The following ZDHHC21 variants were observed in gnomAD, a reference collection of about 807,000 sequenced individuals.
ZDHHC21 encodes the protein zDHHC palmitoyltransferase 21.
In ZDHHC21, 15 loss-of-function variants were observed where a neutral mutation model predicts 34.6. The ratio of observed to expected loss-of-function variants is 0.43; its 90% CI spans 0.29 to 0.67. ZDHHC21 has a LOEUF of 0.67. Ranked by LOEUF, ZDHHC21 falls within the 30% of genes least tolerant of loss-of-function variation. The pLI, the probability that ZDHHC21 is intolerant of heterozygous loss-of-function variation, is 0.14. For synonymous variants in ZDHHC21, 142 were observed against 101.8 expected, an observed-to-expected ratio of 1.40 and a Z score of -2.38; for missense variants, 344 against 327.7, an observed-to-expected ratio of 1.05 and a Z score of -0.38.
chr9:14,672,335 A>T (rs1381250199), intron 5 of ZDHHC21, among the ~76,000 whole-genome samples: 2 of 152,034 alleles, frequency 1.3e-5, no homozygotes, highest in Non-Finnish European at 2.9e-5. Flanking sequence ...TTTTTTACTA[A>T]ATTAAAATCA....
At chr9:14,630,079 C>G (rs1394009157) in intron 8 of ZDHHC21, among the ~76,000 whole-genome samples, 2 of 152,134 alleles carry the variant, frequency 1.3e-5, no homozygotes, top group Non-Finnish European at 2.9e-5. Context: ...CCAATAAAGT[C>G]TGCTGCATAG....
chr9:14,668,519 A>G (rs2083164761), intron 5 of ZDHHC21, among the ~76,000 whole-genome samples: 1 of 135,576 alleles, frequency 7.4e-6, no homozygotes, highest in East Asian at 2.2e-4. Context: ...TTCATATGGA[A>G]CCAAAAAAGA....
chr9:14,665,316 T>C (rs2133981873), intron 5 of ZDHHC21, among the ~76,000 whole-genome samples: 1 of 136,428 alleles, frequency 7.3e-6, no homozygotes, highest in South Asian at 2.6e-4. Context: ...TAAAAAGAAA[T>C]GAGCAAAGCC....
chr9:14,684,616 G>A (rs1187634141), intron 2 of ZDHHC21, among the ~76,000 whole-genome samples: 1 of 151,794 alleles, frequency 6.6e-6, no homozygotes, highest in Non-Finnish European at 1.5e-5. Context: ...TCATGAAAAT[G>A]GCCATACTGC....
the ZDHHC21 span, among the ~76,000 whole-genome samples, chr9:14,601,733 C>G: frequency 5.3e-5 from 8 of 152,128 alleles, no homozygotes; most frequent in Non-Finnish European, 1.2e-4. Flanking sequence ...ATAGCAAAAA[C>G]TATGAACCAA....
chr9:14,638,447 G>A (rs1487336327), intron 8 of ZDHHC21, among the ~76,000 whole-genome samples: 1 of 151,864 alleles, frequency 6.6e-6, no homozygotes, highest in African/African-American at 2.4e-5. Context: ...ACTACCAGAG[G>A]AAAACTTAGG....
At position 14,640,488 on chromosome 9, in the gene ZDHHC21, C is replaced by T. The variant is rs560440294; in HGVS notation, c.505-476G>A. On this transcript the variant is annotated intron_variant, in intron 7 of 9. Transcript: ENST00000380916. ...GACCAAGATATCTAGAAATCATTAA[C>T]GTGGACAAAATGAAGAGAAATCATA... Among the ~76,000 whole-genome samples, 7 of 152,140 alleles carry T rather than the reference C, an allele frequency of 4.6e-5. No homozygotes were observed. In the East Asian group the frequency reaches 7.7e-4, roughly 17 times the overall value.
At chr9:14,686,225 AAAAAAG>A (rs1426244054) in intron 2 of ZDHHC21, among the ~76,000 whole-genome samples, 1 of 152,110 alleles carries the variant, frequency 6.6e-6, no homozygotes, top group Admixed American at 6.6e-5. Context: ...AAAATAAATA[AAAAAAG>A]AAAGAAGAAA....
rs751279200 is a variant in ZDHHC21 at position 14,618,996 on chromosome 9, T to G, written c.768A>C (p.Arg256=). 6.2e-6 allele frequency: 10 copies of G among 1,611,270 alleles called. No homozygotes were observed. The highest frequency in any genetic ancestry group is 1.7e-5 in the Admixed American group (1 of 59,736). ...FIPFRQRQPL[R]VPYHFANHV ...CATGATTGGCAAAGTGGTAGGGAACTCGCAGTGGTTGCCTCTGCCTGAAAG... is the reference window on the plus strand; with the variant it reads ...CATGATTGGCAAAGTGGTAGGGAACGCGCAGTGGTTGCCTCTGCCTGAAAG... Residue 256 remains arginine (R), a synonymous_variant, in exon 10 of 10, where the codon CGA becomes CGC. Transcript: ENST00000380916.
chr9:14,650,463 T>G (rs1302720679), intron 7 of ZDHHC21, among the ~76,000 whole-genome samples: 1 of 151,980 alleles, frequency 6.6e-6, no homozygotes, highest in Admixed American at 6.6e-5. Flanking sequence ...TTTAGCAATT[T>G]TTTTCCATTC....
chr9:14,682,776 CAT>C (rs1350197380), intron 2 of ZDHHC21, among the ~76,000 whole-genome samples: 1 of 152,204 alleles, frequency 6.6e-6, no homozygotes, highest in Non-Finnish European at 1.5e-5. Context: ...AAACTGACCA[CAT>C]AGTTAGAAGT....
chr9:14,680,403 T>C (rs1384155350), intron 2 of ZDHHC21, among the ~76,000 whole-genome samples: 1 of 151,612 alleles, frequency 6.6e-6, no homozygotes, highest in Admixed American at 6.5e-5. Flanking sequence ...CAAATAAGCA[T>C]TATACTTCCC....
intron 5 of ZDHHC21, among the ~76,000 whole-genome samples, chr9:14,662,937 G>A (rs1833670973): frequency 6.6e-6 from 1 of 152,146 alleles, no homozygotes; most frequent in Admixed American, 6.5e-5. Flanking sequence ...AATAGTTTCA[G>A]TAGTGAAAAA....
intron 7 of ZDHHC21, among the ~76,000 whole-genome samples, chr9:14,647,433 A>G (rs28625419): frequency 0.22 from 33,775 of 152,070 alleles, 4,274 homozygotes; most frequent in East Asian, 0.34. Flanking sequence ...TATATACTAT[A>G]CCTTATCATT....
At chr9:14,650,720 C>A (rs545678682) in intron 7 of ZDHHC21, among the ~76,000 whole-genome samples, 15 of 152,068 alleles carry the variant, frequency 9.9e-5, no homozygotes, top group African/African-American at 3.6e-4. Context: ...GTTCTGACAT[C>A]AAATCCCTAG....
the ZDHHC21 span, among the ~76,000 whole-genome samples, chr9:14,590,781 A>G: frequency 6.6e-6 from 1 of 152,212 alleles, no homozygotes; most frequent in East Asian, 1.9e-4. Context: ...AAGATGCTAC[A>G]TGAAAACTAG....
rs566402561 is a variant in ZDHHC21 at position 14,649,836 on chromosome 9, G to T, written c.504+8913C>A. Among the ~76,000 whole-genome samples the T allele has an allele frequency of 3.9e-5, 6 of 152,116 alleles. No homozygotes were observed. The South Asian group carries it at 1.2e-3, about 32-fold the overall frequency. On this transcript the variant is annotated intron_variant, in intron 7 of 9. Transcript: ENST00000380916. ...TTTTAGCAGTAAAAATTCTAGAAAA[G>T]TTTGGGCAATCCAATAAGAGAACAG...
intron 7 of ZDHHC21, among the ~76,000 whole-genome samples, chr9:14,657,491 T>G (rs1832457763): frequency 2.4e-5 from 3 of 123,356 alleles, no homozygotes. Context: ...ATCTTTCCAC[T>G]ACCAGAGGCT....
intron 7 of ZDHHC21, among the ~76,000 whole-genome samples, chr9:14,657,585 G>C (rs186848125): frequency 6.6e-6 from 1 of 152,070 alleles, no homozygotes; most frequent in Non-Finnish European, 1.5e-5. Context: ...ATTCAGTTCT[G>C]CTCTTATAAA....
Sources: allele counts gnomAD v4.1 joint callset (sites outside exome capture counted in the v4.1 genomes callset), GRCh38; gene constraint gnomAD v4.1.1; transcripts MANE v1.5; gene names NCBI Gene and HGNC (gene_info 2026-07-23, HGNC 2026-07-21).